Variants in PKD1L1 observed in about 807,000 individuals in gnomAD.
PKD1L1 encodes polycystin-1-like protein 1.
A neutral mutation model predicts 323.4 loss-of-function variants in PKD1L1; 236 were observed. The observed-to-expected ratio is 0.73, with a 90% confidence interval of 0.66 to 0.81. The LOEUF is 0.81. PKD1L1 is among the 40% of genes least tolerant of loss of function. The pLI is 0.00. For synonymous variants in PKD1L1, 1,344 were observed against 1,335.0 expected, an observed-to-expected ratio of 1.01 and a Z score of -0.15; for missense variants, 3,320 against 3,508.0, an observed-to-expected ratio of 0.95 and a Z score of 1.35.
At chr7:47,811,105 T>G (rs1257841633) in intron 50 of PKD1L1, among the ~76,000 whole-genome samples, 1 of 151,946 alleles carries the variant, frequency 6.6e-6, no homozygotes, top group African/African-American at 2.4e-5. Context: ...GGCTTGATCT[T>G]GATCATGGAA....
At chr7:47,895,333 C>T (rs1489922465) in intron 14 of PKD1L1, among the ~76,000 whole-genome samples, 1 of 152,214 alleles carries the variant, frequency 6.6e-6, no homozygotes, top group African/African-American at 2.4e-5. Flanking sequence ...CTCCCATTAC[C>T]TGGCCTGTCC....
chr7:47,865,138 T>C (rs1245428980), intron 26 of PKD1L1, 78 bp downstream of exon 26: 9 of 995,150 alleles, frequency 9.0e-6, no homozygotes, highest in East Asian at 7.6e-5. Flanking sequence ...TTCTGGACAG[T>C]GTATTTTTCA....
At chr7:47,809,618 C>T (rs1303403490) in intron 50 of PKD1L1, 41 bp from the exon 51 acceptor site, 1 of 1,439,788 alleles carries the variant, frequency 6.9e-7, no homozygotes, top group East Asian at 2.5e-5. Flanking sequence ...AATAGGAATG[C>T]TGATAAATTG....
At chr7:47,833,658 G>C (rs887257778) in intron 40 of PKD1L1, among the ~76,000 whole-genome samples, 1 of 152,164 alleles carries the variant, frequency 6.6e-6, no homozygotes, top group Admixed American at 6.5e-5. Flanking sequence ...TTCCAGCAGC[G>C]GATCGAGAGT....
chr7:47,890,103 C>T (rs1300387563), intron 16 of PKD1L1, among the ~76,000 whole-genome samples: 1 of 152,208 alleles, frequency 6.6e-6, no homozygotes, highest in Admixed American at 6.5e-5. Context: ...TAGTCTCAGA[C>T]CTCACAACTG....
chr7:47,949,425 G>A (rs147688548), upstream of PKD1L1, among the ~76,000 whole-genome samples: 11 of 143,114 alleles, frequency 7.7e-5, no homozygotes, highest in Non-Finnish European at 1.1e-4. Context: ...TGGGGAACAG[G>A]ATACCTTCCA....
In PKD1L1 at chr7:47,866,481, G is replaced by A. The variant is rs1786172318; in HGVS notation, c.4030C>T (p.Gln1344Ter). ...AATGCATCCTGTATTCGTGACCATT[G>A]GTTGCAGGAGGCAGTTTTGTCCTCC... ...SKEDKTASCN[Q>*]WSRIQDALIS... Residue 1344 changes from glutamine (Q) to a stop codon, truncating the protein, a stop_gained, in exon 25 of 57, where the codon CAA becomes TAA. Transcript: ENST00000289672. LOFTEE classifies it high-confidence loss of function. The A allele has an allele frequency of 1.2e-6, 2 of 1,613,866 alleles. No individual in the cohort carries two copies.
At chr7:47,779,404 T>C (rs1786640294) in intron 56 of PKD1L1, among the ~76,000 whole-genome samples, 3 of 152,254 alleles carry the variant, frequency 2.0e-5, no homozygotes, top group Middle Eastern at 6.8e-3. Flanking sequence ...TGAAACATGG[T>C]GTGTTTTGAG....
In PKD1L1 at chr7:47,812,062, G is replaced by T; in HGVS notation, c.7347-11C>A. Reference sequence around the variant, plus strand: ...GTGTGGGCTTCAGTCCTGTAAAACAGCACACACTGGGGTAGGGCAGGGCAG... The same window carrying T: ...GTGTGGGCTTCAGTCCTGTAAAACATCACACACTGGGGTAGGGCAGGGCAG... On this transcript the variant is annotated splice_polypyrimidine_tract_variant and intron_variant, in intron 49 of 56. Transcript: ENST00000289672. 6.4e-7 allele frequency: 1 copy of T among 1,551,908 alleles called. No individual in the cohort carries two copies. The highest frequency in any genetic ancestry group is 8.7e-7 in the Non-Finnish European group (1 of 1,146,420).
chr7:47,940,399 G>A, intron 2 of PKD1L1, 82 bp from the exon 3 acceptor site: 7 of 1,489,758 alleles, frequency 4.7e-6, no homozygotes, highest in Non-Finnish European at 6.4e-6. Context: ...GAAGCCCTAA[G>A]TTATACATAA....
chr7:47,906,858 G>A (rs534994874), intron 9 of PKD1L1, among the ~76,000 whole-genome samples: 122 of 151,898 alleles, frequency 8.0e-4, no homozygotes, highest in Admixed American at 3.4e-3. Flanking sequence ...AAGCATGCCT[G>A]AAAATTAATT....
rs1432769306 is a variant in PKD1L1 at position 47,858,758 on chromosome 7, A to G, written c.4277T>C (p.Val1426Ala). The G allele has an allele frequency of 1.2e-6, 2 of 1,613,874 alleles. No individual in the cohort carries two copies. The highest frequency in any genetic ancestry group is 1.7e-6 in the Non-Finnish European group (2 of 1,179,928). The change falls in exon 27 of 57, where the codon GTC becomes GCC. Residue 1426 changes from valine (V) to alanine (A), a missense_variant. Physicochemically the swap from Val to Ala is moderately conservative, Grantham distance 64. Transcript: ENST00000289672. ...RLELIGLISR[V>A]WEVSEQENSK... ...GTTTTCTTGCTCAGAGACTTCCCAGACTCTGGATATGAGACCGATGAGCTC... is the reference window on the plus strand; with the variant it reads ...GTTTTCTTGCTCAGAGACTTCCCAGGCTCTGGATATGAGACCGATGAGCTC...
Position 47,838,200 on chromosome 7 carries a change from G to T in PKD1L1, c.5770-1106C>A, listed in dbSNP as rs536048143. ...ATTGAAAACTTGTTTCAAATCCTTT[G>T]TGATCATGTTTCTTACTAGCTTAGC... is the stretch of plus-strand genomic sequence containing the variant. On this transcript the variant is annotated intron_variant, in intron 36 of 56. Coordinates refer to ENST00000289672, the MANE Select transcript of PKD1L1 (RefSeq NM_138295.5). 8.5e-5 allele frequency among the ~76,000 whole-genome samples: 13 copies of T among 152,340 alleles called. No individual in the cohort carries two copies. The South Asian group carries it at 2.3e-3, about 27-fold the overall frequency.
chr7:47,815,477 T>C lies in PKD1L1; in HGVS notation c.6966-20A>G, dbSNP rs1562943529. On this transcript the variant is annotated intron_variant, in intron 46 of 56. Coordinates refer to ENST00000289672, the MANE Select transcript of PKD1L1 (RefSeq NM_138295.5). ...GCATTTCTTAATGCAAGAACAAAAATAAAAAGTTGCTTCTGCATCAACAAG... is the reference window on the plus strand; with the variant it reads ...GCATTTCTTAATGCAAGAACAAAAACAAAAAGTTGCTTCTGCATCAACAAG... The C allele has an allele frequency of 1.9e-6, 3 of 1,607,816 alleles. No homozygotes were observed. Among genetic ancestry groups the C allele is most frequent in the Admixed American group, 1.7e-5 (1 of 58,580 alleles).
chr7:47,855,963 T>C (rs1394586983), intron 28 of PKD1L1, among the ~76,000 whole-genome samples: 2 of 151,706 alleles, frequency 1.3e-5, no homozygotes, highest in African/African-American at 4.8e-5. Context: ...AGAAATCATA[T>C]TTCAGGATGT....
At chr7:47,926,954 C>A (rs973857368) in intron 7 of PKD1L1, among the ~76,000 whole-genome samples, 1 of 152,232 alleles carries the variant, frequency 6.6e-6, no homozygotes, top group Admixed American at 6.5e-5. Context: ...GCAAATGACA[C>A]TGAGCCAAAT....
intron 56 of PKD1L1, among the ~76,000 whole-genome samples, chr7:47,780,941 G>C (rs973297299): frequency 2.0e-5 from 3 of 152,134 alleles, no homozygotes; most frequent in African/African-American, 4.8e-5. Context: ...ATTTCTGGGC[G>C]ATAAGTTTTC....
chr7:47,913,603 C>A (rs56351389), intron 8 of PKD1L1, among the ~76,000 whole-genome samples: 12,050 of 152,060 alleles, frequency 0.079, 1,570 homozygotes, highest in African/African-American at 0.27. Flanking sequence ...GCACCTCCCC[C>A]CCTCTTGCTC....
At chr7:47,798,890 A>C (rs1455321460) in intron 54 of PKD1L1, among the ~76,000 whole-genome samples, 1 of 152,182 alleles carries the variant, frequency 6.6e-6, no homozygotes, top group Non-Finnish European at 1.5e-5. Flanking sequence ...ATAAAAGAAA[A>C]CATTGAAAAA....
Sources: gnomAD v4.1 joint callset for allele counts (sites outside exome capture counted in the v4.1 genomes callset) on GRCh38, gnomAD v4.1.1 for gene constraint, MANE v1.5 for transcripts, NCBI Gene and HGNC (gene_info 2026-07-23, HGNC 2026-07-21) for gene names.